The following ENPP1 variants were observed in gnomAD, a reference collection of about 807,000 sequenced individuals.
The protein encoded by ENPP1 is ectonucleotide pyrophosphatase/phosphodiesterase 1, also known as ectonucleotide pyrophosphatase/phosphodiesterase family member 1.
Under a neutral mutation model 122.8 loss-of-function variants are expected in ENPP1, and 73 were observed. That is an observed-to-expected ratio of 0.59 (90% CI 0.49 to 0.72). The LOEUF (loss-of-function observed/expected upper bound fraction) is 0.72, where lower values mean the gene tolerates loss of function less well. ENPP1 is among the 30% of genes least tolerant of loss of function. ENPP1 has a pLI of 0.00. For missense variants in ENPP1, 978 were observed against 1,128.1 expected (o/e 0.87, Z 1.91); for synonymous variants, 367 against 391.6 (o/e 0.94, Z 0.74).
At chr6:131,881,616 G>A (rs183793145) in intron 20 of ENPP1, among the ~76,000 whole-genome samples, 30 of 152,282 alleles carry the variant, frequency 2.0e-4, no homozygotes, top group African/African-American at 5.5e-4. Flanking sequence ...CAGCGCGGTG[G>A]CTCACGCCTG....
chr6:131,861,532 C>T (rs1041645797), intron 8 of ENPP1, 63 bp from the exon 9 acceptor site: 49 of 1,056,292 alleles, frequency 4.6e-5, no homozygotes, highest in Middle Eastern at 3.9e-4. Context: ...GGTATGAATA[C>T]ATACTTTCCT....
At chr6:131,838,050 C>T (rs988662305) in intron 1 of ENPP1, among the ~76,000 whole-genome samples, 5 of 151,942 alleles carry the variant, frequency 3.3e-5, no homozygotes, top group Admixed American at 1.3e-4. Flanking sequence ...TGAAAGACAC[C>T]AATCTTTAGA....
At chr6:131,878,393 C>A in intron 18 of ENPP1, 149 bp from the exon 19 acceptor site, 1 of 676,216 alleles carries the variant, frequency 1.5e-6, no homozygotes, top group Non-Finnish European at 2.7e-6. Flanking sequence ...AACACTCTTG[C>A]CTTGAAAGAG....
At chr6:131,849,879 T>G in intron 2 of ENPP1, 111 bp from the exon 3 acceptor site, 1 of 817,242 alleles carries the variant, frequency 1.2e-6, no homozygotes, top group South Asian at 1.4e-5. Flanking sequence ...ATCTGTATTT[T>G]CTAAAGTAGT....
rs1055181671 is a variant in ENPP1, at chr6:131,894,816, C to A, written c.*4305C>A. Reference sequence around the variant, plus strand: ...CAAGATGGGCATGGAACAGGGACCACCCCCTCCTCTGGGAGAAGCTGTTAC... The same window carrying A: ...CAAGATGGGCATGGAACAGGGACCAACCCCTCCTCTGGGAGAAGCTGTTAC... On this transcript the variant is annotated 3_prime_UTR_variant, in exon 25 of 25. Coordinates refer to ENST00000647893, the MANE Select transcript of ENPP1 (RefSeq NM_006208.3). The A allele has an allele frequency of 1.3e-5, 2 of 152,364 alleles. No homozygotes were observed. The highest frequency in any genetic ancestry group is 6.5e-5 in the Admixed American group (1 of 15,284). The allele number at this position is 152,364 out of a possible 1,614,324, so 9.4% of individuals were successfully genotyped here.
chr6:131,894,399 C>T lies in ENPP1; in HGVS notation c.*3888C>T. 1 of 152,540 alleles carries T rather than the reference C, an allele frequency of 6.6e-6. No individual in the cohort carries two copies. Among genetic ancestry groups the T allele is most frequent in the Non-Finnish European group, 1.5e-5 (1 of 68,404 alleles). 9.4% of individuals were successfully genotyped at this position (152,540 alleles called of 1,614,324 possible). On this transcript the variant is annotated 3_prime_UTR_variant, in exon 25 of 25. Transcript: ENST00000647893. ...CTCCGGGGTTCTAGCAATTCTCCTG[C>T]CTCAGCCTCCTGAGTAGCTGGGATT...
chr6:131,851,246 A>G lies in ENPP1; in HGVS notation c.535A>G (p.Asn179Asp). 1.2e-6 allele frequency: 2 copies of G among 1,614,152 alleles called. No homozygotes were observed. The highest frequency in any genetic ancestry group is 4.5e-5 in the East Asian group (2 of 44,888). Reference sequence around the variant, plus strand: ...CAAGGACAAGGGCGACTGCTGCATCAACTACAGTTCTGTGTGTCAAGGTCA... The same window carrying G: ...CAAGGACAAGGGCGACTGCTGCATCGACTACAGTTCTGTGTGTCAAGGTCA... ...DCKDKGDCCI[N>D]YSSVCQGEKS... The change falls in exon 4 of 25, where the codon AAC (asparagine) becomes GAC (aspartate). Residue 179 changes from asparagine (N) to aspartate (D), a missense_variant. By Grantham distance (23) the Asn-to-Asp change is conservative (BLOSUM62 1). Coordinates refer to ENST00000647893, the MANE Select transcript of ENPP1 (RefSeq NM_006208.3).
chr6:131,851,351 A>T, intron 4 of ENPP1, 84 bp downstream of exon 4: 1 of 1,570,538 alleles, frequency 6.4e-7, no homozygotes. Context: ...CTTTTATATT[A>T]GGAGTCATGG....
At chr6:131,875,256 A>G (rs1782214743) in intron 16 of ENPP1, among the ~76,000 whole-genome samples, 1 of 152,190 alleles carries the variant, frequency 6.6e-6, no homozygotes. Context: ...TCATAAACAT[A>G]TGACATATCT....
At chr6:131,869,654 C>G (rs1158401617) in intron 13 of ENPP1, among the ~76,000 whole-genome samples, 165 bp downstream of exon 13, 2 of 151,510 alleles carry the variant, frequency 1.3e-5, no homozygotes, top group Non-Finnish European at 2.9e-5. Flanking sequence ...CATGGTGAAA[C>G]CCTAAAAATA....
intron 24 of ENPP1, among the ~76,000 whole-genome samples, chr6:131,887,554 A>G (rs113377976): frequency 0.034 from 1,783 of 53,134 alleles, no homozygotes; most frequent in Middle Eastern, 0.081. Context: ...CACCACACCC[A>G]GCTAATTTTT....
chr6:131,829,174 C>A (rs1781580900), intron 1 of ENPP1, among the ~76,000 whole-genome samples: 1 of 152,238 alleles, frequency 6.6e-6, no homozygotes, highest in Admixed American at 6.5e-5. Context: ...GGGTCCTCTG[C>A]CTGAGGGCAG....
At chr6:131,833,267 A>G (rs957066363) in intron 1 of ENPP1, among the ~76,000 whole-genome samples, 15 of 152,128 alleles carry the variant, frequency 9.9e-5, no homozygotes, top group African/African-American at 3.4e-4. Flanking sequence ...TGGGTAGGAA[A>G]GGGACTCATT....
intron 22 of ENPP1, 48 bp from the exon 23 acceptor site, chr6:131,884,883 A>C (rs1461390990): frequency 6.2e-7 from 1 of 1,605,534 alleles, no homozygotes; most frequent in Non-Finnish European, 8.5e-7. Flanking sequence ...ACACGTCAAC[A>C]TGGTCCCTTG....
At chr6:131,885,414 T>C (rs2114730292) in intron 23 of ENPP1, among the ~76,000 whole-genome samples, 1 of 152,320 alleles carries the variant, frequency 6.6e-6, no homozygotes, top group South Asian at 2.1e-4. Flanking sequence ...CTCTATGGTG[T>C]GGCTACAGAT....
Position 131,864,921 on chromosome 6 carries a change from G to C in ENPP1, c.1147G>C (p.Gly383Arg), listed in dbSNP as rs1211012711. Residue 383 changes from glycine (G) to arginine (R), a missense_variant, in exon 11 of 25, where the codon GGA (glycine) becomes CGA (arginine). This residue lies in a region of ENPP1 where 644 missense variants were observed against 781.5 expected (regional missense o/e 0.82). Transcript: ENST00000647893. ...ACCAGATTCTTCAGGTCATTCATAT[G>C]GACCAGTCAGCAGTGAAGTAAGTAC... ...EEPDSSGHSY[G>R]PVSSEVIKAL... The C allele has an allele frequency of 6.3e-7, 1 of 1,598,452 alleles. No homozygotes were observed. Among genetic ancestry groups the C allele is most frequent in the Admixed American group, 1.7e-5 (1 of 59,998 alleles).
chr6:131,885,782 G>T (rs750084900), intron 23 of ENPP1, among the ~76,000 whole-genome samples: 5 of 152,126 alleles, frequency 3.3e-5, no homozygotes, highest in Non-Finnish European at 7.3e-5. Flanking sequence ...ACATCAATTT[G>T]CAAAGTTACA....
intron 13 of ENPP1, among the ~76,000 whole-genome samples, chr6:131,871,639 C>A (rs544761324): frequency 5.1e-4 from 77 of 152,256 alleles, no homozygotes; most frequent in African/African-American, 1.6e-3. Flanking sequence ...ACAAAACAGC[C>A]TTACAAAACA....
rs1782069887 is a variant in ENPP1 at position 131,864,869 on chromosome 6, A to G, written c.1095A>G (p.Pro365=). The G allele has an allele frequency of 2.5e-6, 4 of 1,592,694 alleles. No homozygotes were observed. Among genetic ancestry groups the G allele is most frequent in the East Asian group, 4.5e-5 (2 of 44,700 alleles). ...ATTTTGATACTGTTTGATTTAGACC[A>G]CACTTTTACACTCTGTATTTAGAAG... is the stretch of plus-strand genomic sequence containing the variant. ...QWLQLPKDER[P]HFYTLYLEEP... is the part of the protein sequence containing the mutation. The change falls in exon 11 of 25, where the codon CCA becomes CCG. Residue 365 remains proline, a synonymous_variant. Coordinates refer to ENST00000647893, the MANE Select transcript of ENPP1 (RefSeq NM_006208.3).
Sources: gnomAD v4.1 joint callset for allele counts (sites outside exome capture counted in the v4.1 genomes callset) on GRCh38, gnomAD v4.1.1 for gene constraint, gnomAD v4.1.1 regional missense constraint, MANE v1.5 for transcripts, NCBI Gene and HGNC (gene_info 2026-07-23, HGNC 2026-07-21) for gene names.